Variants in ROBO2 observed in about 807,000 individuals in gnomAD.
ROBO2 encodes the protein roundabout guidance receptor 2.
Under a neutral mutation model 160.8 loss-of-function variants are expected in ROBO2, and 53 were observed. That is an observed-to-expected ratio of 0.33 (90% confidence interval 0.26 to 0.41). The LOEUF is 0.41. ROBO2 is among the 10% of genes least tolerant of loss of function. The probability of loss-of-function intolerance (pLI) is 1.00; values close to 1 mark genes in which losing one functional copy is unlikely to be tolerated. For synonymous variants in ROBO2, 664 were observed against 611.7 expected (o/e 1.09, Z -1.26); for missense variants, 1,577 against 1,722.4 (o/e 0.92, Z 1.49).
At chr3:76,155,683 T>C (rs2072379115) in intron 2 of ROBO2, among the ~76,000 whole-genome samples, 1 of 152,202 alleles carries the variant, frequency 6.6e-6, no homozygotes, top group Non-Finnish European at 1.5e-5. Context: ...TTTGCACGTC[T>C]TTAACTAATT....
intron 2 of ROBO2, among the ~76,000 whole-genome samples, chr3:77,324,243 G>A (rs2065122067): frequency 6.6e-6 from 1 of 152,134 alleles, no homozygotes; most frequent in East Asian, 1.9e-4. Context: ...TGTGTTCCTA[G>A]CATGGACTCA....
At chr3:76,715,081 T>A (rs1477710707) in intron 2 of ROBO2, among the ~76,000 whole-genome samples, 1 of 152,114 alleles carries the variant, frequency 6.6e-6, no homozygotes, top group East Asian at 1.9e-4. Context: ...TGCACAATGA[T>A]TAGGGATAAA....
At chr3:77,238,430 A>G (rs1455751532) in intron 2 of ROBO2, among the ~76,000 whole-genome samples, 3 of 152,130 alleles carry the variant, frequency 2.0e-5, no homozygotes, top group African/African-American at 7.2e-5. Context: ...TTAGCATTCC[A>G]TGCCTTTTTG....
chr3:76,690,250 G>A (rs925787464), intron 2 of ROBO2, among the ~76,000 whole-genome samples: 17 of 152,074 alleles, frequency 1.1e-4, no homozygotes, highest in African/African-American at 4.1e-4. Context: ...GCCATATTAA[G>A]GAGTTGGTCC....
rs1034579059 is a variant in ROBO2, at chr3:76,435,241, A to G, written c.109+497639A>G. The stretch of plus-strand genomic sequence containing the variant: ...CCAACCATATCCATCAACAAAACAG[A>G]TGGCTGCCATGCTTACCTGAGCAAG... On this transcript the variant is annotated intron_variant, in intron 2 of 26. Transcript: ENST00000487694. 6 of 1,519,264 alleles carry G rather than the reference A, an allele frequency of 3.9e-6. No homozygotes were observed. The African/African-American group carries it at 6.8e-5, about 17-fold the overall frequency. The allele number at this position is 1,519,264 out of a possible 1,614,324, so 94.1% of individuals were successfully genotyped here.
intron 2 of ROBO2, among the ~76,000 whole-genome samples, chr3:76,195,492 G>A (rs1387243350): frequency 6.6e-6 from 1 of 152,184 alleles, no homozygotes; most frequent in Non-Finnish European, 1.5e-5. Flanking sequence ...AATTTAAAAT[G>A]TATGCAGACT....
chr3:77,470,975 A>G (rs1296319630), intron 2 of ROBO2, among the ~76,000 whole-genome samples: 1 of 152,164 alleles, frequency 6.6e-6, no homozygotes. Flanking sequence ...ACCTTTCATT[A>G]CAATTATTTC....
chr3:77,523,838 T>C (rs1443184381), intron 6 of ROBO2, among the ~76,000 whole-genome samples: 2 of 151,366 alleles, frequency 1.3e-5, no homozygotes, highest in Non-Finnish European at 3.0e-5. Flanking sequence ...CTGCATGTTT[T>C]CATCCAAGTC....
intron 2 of ROBO2, among the ~76,000 whole-genome samples, chr3:76,745,013 G>A (rs753583776): frequency 1.3e-5 from 2 of 152,060 alleles, no homozygotes; most frequent in East Asian, 1.9e-4. Context: ...CTAATTCTAC[G>A]AATGTTCTGT....
At chr3:76,173,016 C>T in intron 2 of ROBO2, among the ~76,000 whole-genome samples, 1 of 151,942 alleles carries the variant, frequency 6.6e-6, no homozygotes, top group African/African-American at 2.4e-5. Flanking sequence ...AGCATGCTGT[C>T]TCTGACCCCA....
chr3:77,082,639 A>G (rs1260797610), intron 1 of ROBO2, among the ~76,000 whole-genome samples: 1 of 151,538 alleles, frequency 6.6e-6, no homozygotes. Context: ...GTATATATTT[A>G]CACTCATATA....
At chr3:76,520,491 T>A (rs963430380) in intron 2 of ROBO2, among the ~76,000 whole-genome samples, 3 of 152,112 alleles carry the variant, frequency 2.0e-5, no homozygotes, top group African/African-American at 4.8e-5. Context: ...TAGTATAGCA[T>A]CCTATAAAGA....
chr3:77,625,930 A>G (rs1408376122), intron 23 of ROBO2, among the ~76,000 whole-genome samples: 2 of 152,164 alleles, frequency 1.3e-5, no homozygotes, highest in African/African-American at 2.4e-5. Flanking sequence ...CCCTATTAAT[A>G]GTATTATTTT....
chr3:77,520,471 C>T (rs565391165), intron 5 of ROBO2, among the ~76,000 whole-genome samples: 9 of 151,226 alleles, frequency 6.0e-5, no homozygotes, highest in Admixed American at 4.6e-4. Flanking sequence ...CTGGAGGTAA[C>T]ATACAATTTT....
chr3:77,009,938 T>G (rs1294473570), intron 2 of ROBO2, among the ~76,000 whole-genome samples: 1 of 113,496 alleles, frequency 8.8e-6, no homozygotes, highest in Non-Finnish European at 1.8e-5. Context: ...AGAGTGAGAC[T>G]CTGTCTTAAA....
At chr3:75,981,812 AATT>A (rs1313067393) in intron 2 of ROBO2, among the ~76,000 whole-genome samples, 8 of 151,528 alleles carry the variant, frequency 5.3e-5, no homozygotes, top group African/African-American at 1.9e-4. Flanking sequence ...TATACAATTA[AATT>A]ATTATTGACT....
intron 2 of ROBO2, among the ~76,000 whole-genome samples, chr3:76,401,986 G>T (rs1190787114): frequency 6.6e-6 from 1 of 151,450 alleles, no homozygotes; most frequent in African/African-American, 2.4e-5. Flanking sequence ...GATAACTTCT[G>T]AATTTTTTAG....
At position 76,946,249 on chromosome 3, in the gene ROBO2, TC is replaced by T. The variant is rs879267969; in HGVS notation, c.110-151761del. Among the ~76,000 whole-genome samples the T allele has an allele frequency of 3.9e-5, 6 of 152,202 alleles. No individual in the cohort carries two copies. The East Asian group carries it at 1.2e-3, about 29-fold the overall frequency. ...GCACTGACCAGCCATATAATAACTATCCCCAGTCTTGTCTGATCTCCAAAGA... is the reference window on the plus strand; with the variant it reads ...GCACTGACCAGCCATATAATAACTATCCCAGTCTTGTCTGATCTCCAAAGA... On this transcript the variant is annotated intron_variant, in intron 2 of 26. Coordinates refer to the ROBO2 transcript ENST00000487694.
intron 2 of ROBO2, among the ~76,000 whole-genome samples, chr3:76,625,909 A>C (rs548724408): frequency 4.1e-4 from 62 of 152,266 alleles, no homozygotes; most frequent in South Asian, 3.5e-3. Context: ...TGGTGTGTTA[A>C]AAAGAGTGAA....
Sources: gnomAD v4.1 joint callset for allele counts (sites outside exome capture counted in the v4.1 genomes callset) on GRCh38, gnomAD v4.1.1 for gene constraint, MANE v1.5 for transcripts, NCBI Gene and HGNC (gene_info 2026-07-23, HGNC 2026-07-21) for gene names.